The following TNRC6B variants were observed in gnomAD, a reference collection of about 807,000 sequenced individuals.
TNRC6B encodes the protein trinucleotide repeat containing adaptor 6B.
Under a neutral mutation model 203.6 loss-of-function variants are expected in TNRC6B, and 52 were observed. The observed-to-expected ratio is 0.26, with a 90% confidence interval of 0.20 to 0.32. TNRC6B has a LOEUF of 0.32. Among genes scored for constraint, TNRC6B ranks in the 10% least tolerant of loss-of-function variants. The probability of loss-of-function intolerance (pLI) is 1.00; values close to 1 mark genes in which losing one functional copy is unlikely to be tolerated. For synonymous variants in TNRC6B, 838 were observed against 845.7 expected (o/e 0.99, Z 0.16); for missense variants, 1,923 against 2,286.2 (o/e 0.84, Z 3.24).
intron 3 of TNRC6B, among the ~76,000 whole-genome samples, chr22:40,130,968 C>G (rs2068538270): frequency 1.3e-5 from 2 of 150,828 alleles, no homozygotes; most frequent in South Asian, 4.2e-4. Flanking sequence ...GTGGTGCGAT[C>G]TCGGGTCACT....
intron 1 of TNRC6B, among the ~76,000 whole-genome samples, chr22:40,187,369 T>C (rs2069217491): frequency 6.6e-6 from 1 of 152,178 alleles, no homozygotes; most frequent in South Asian, 2.1e-4. Flanking sequence ...GACAAACTTT[T>C]TATGAAAATA....
At chr22:40,174,326 T>C (rs2069034903), upstream of TNRC6B, among the ~76,000 whole-genome samples, 1 of 151,102 alleles carries the variant, frequency 6.6e-6, no homozygotes, top group African/African-American at 2.4e-5. Flanking sequence ...ACTACAGGCG[T>C]GTGCCACCAT....
intron 12 of TNRC6B, among the ~76,000 whole-genome samples, chr22:40,293,012 T>C (rs1052454743): frequency 1.1e-4 from 17 of 152,128 alleles, no homozygotes; most frequent in African/African-American, 2.9e-4. Flanking sequence ...GTGCTATTTT[T>C]ACTTGTATTA....
chr22:40,174,955 A>G (rs2146372675), upstream of TNRC6B, among the ~76,000 whole-genome samples: 1 of 152,332 alleles, frequency 6.6e-6, no homozygotes, highest in South Asian at 2.1e-4. Context: ...CTGGAAACAC[A>G]AGGGAGAAAT....
At position 40,265,001 on chromosome 22, in the gene TNRC6B, G is replaced by C. The variant is rs543034259; in HGVS notation, c.771G>C (p.Gly257=). 4.3e-6 allele frequency: 7 copies of C among 1,613,908 alleles called. No individual in the cohort carries two copies. The Admixed American group carries it at 1.2e-4, about 27-fold the overall frequency. ...SASSGNECNL[G]VWKSDPKAKS... is the part of the protein sequence containing the mutation. ...GTTCTGGGAACGAATGTAATCTTGG[G>C]GTCTGGAAATCTGACCCTAAGGCTA... Residue 257 remains glycine, a synonymous_variant, in exon 5 of 23, where the codon GGG becomes GGC. Coordinates refer to ENST00000454349, the MANE Select transcript of TNRC6B (RefSeq NM_001162501.2).
intron 1 of TNRC6B, among the ~76,000 whole-genome samples, chr22:40,188,958 T>C (rs9611286): frequency 0.36 from 54,838 of 152,024 alleles, 13,322 homozygotes; most frequent in African/African-American, 0.69. Flanking sequence ...TGTCTTACCA[T>C]GGTTTCAAAA....
At chr22:40,179,442 T>C (rs1312141913) in intron 1 of TNRC6B, among the ~76,000 whole-genome samples, 1 of 152,216 alleles carries the variant, frequency 6.6e-6, no homozygotes, top group Non-Finnish European at 1.5e-5. Flanking sequence ...TGATTTATGC[T>C]GTGGCATATT....
intron 1 of TNRC6B, among the ~76,000 whole-genome samples, chr22:40,066,331 T>C (rs2067893418): frequency 6.6e-6 from 1 of 152,184 alleles, no homozygotes; most frequent in Non-Finnish European, 1.5e-5. Context: ...TAAATATTGC[T>C]CTCGTTACTT....
chr22:40,153,305 G>A (rs775098947), intron 3 of TNRC6B, among the ~76,000 whole-genome samples: 1 of 152,106 alleles, frequency 6.6e-6, no homozygotes, highest in Non-Finnish European at 1.5e-5. Context: ...CTCCAGCTTA[G>A]GAGAAAGAGG....
At position 40,237,214 on chromosome 22, in the gene TNRC6B, A is replaced by G. The variant is rs147005136; in HGVS notation, c.6-8801A>G. On this transcript the variant is annotated intron_variant, in intron 1 of 22. Coordinates refer to ENST00000454349, the MANE Select transcript of TNRC6B (RefSeq NM_001162501.2). ...ATCACAAGCTTGAATTCACACATCC[A>G]AGATCCTGGTACTTTCAAAACAGCA... 2.5e-3 allele frequency among the ~76,000 whole-genome samples: 383 copies of G among 152,200 alleles called. 13 individuals are homozygous for G. The East Asian group carries it at 0.057, about 23-fold the overall frequency.
rs745771892 is a variant in TNRC6B at position 40,285,624 on chromosome 22, C to T, written c.3583-21C>T. 11 of 1,603,024 alleles carry T rather than the reference C, an allele frequency of 6.9e-6. No individual in the cohort carries two copies. In the Admixed American group the frequency reaches 7.1e-5, roughly 10 times the overall value. On this transcript the variant is annotated intron_variant, in intron 11 of 22. Coordinates refer to ENST00000454349, the MANE Select transcript of TNRC6B (RefSeq NM_001162501.2). ...TTTCTTATGTTAACAAAAAGCCTTA[C>T]TGCTGCTTTTCTGTTTACAGGGCGG...
In TNRC6B at chr22:40,251,098, G is replaced by A. The variant is rs1046658760; in HGVS notation, c.94-81G>A. 13 of 1,216,598 alleles carry A rather than the reference G, an allele frequency of 1.1e-5. No homozygotes were observed. The African/African-American group carries it at 2.0e-4, about 19-fold the overall frequency. The allele number at this position is 1,216,598 out of a possible 1,614,324, so 75.4% of individuals were successfully genotyped here. On this transcript the variant is annotated intron_variant, in intron 2 of 22. Transcript: ENST00000454349. ...GTGCCTGACAGCTTGGATTACTTGA[G>A]TTATCAGACTAAAGTAGTCTGAAAA...
intron 1 of TNRC6B, among the ~76,000 whole-genome samples, chr22:40,195,106 G>A (rs2069320160): frequency 6.6e-6 from 1 of 152,158 alleles, no homozygotes; most frequent in Admixed American, 6.5e-5. Flanking sequence ...AGACAACAAT[G>A]TATGTTCATG....
At chr22:40,115,324 CT>C (rs1335418071) in intron 1 of TNRC6B, among the ~76,000 whole-genome samples, 1 of 152,196 alleles carries the variant, frequency 6.6e-6, no homozygotes, top group Non-Finnish European at 1.5e-5. Flanking sequence ...GTGTTATTCT[CT>C]TGATAGTCTC....
At position 40,329,946 on chromosome 22, in the gene TNRC6B, T is replaced by G. The variant is rs1467192368; in HGVS notation, c.*6705T>G. On this transcript the variant is annotated 3_prime_UTR_variant, in exon 23 of 23. Coordinates refer to ENST00000454349, the MANE Select transcript of TNRC6B (RefSeq NM_001162501.2). ...GGTACTACCTTGGCCAAAGGGTCTT[T>G]GCAAAAAGCTCAGTCTTCAGTTCTT... The G allele has an allele frequency of 6.6e-6, 1 of 152,220 alleles. No individual in the cohort carries two copies. Among genetic ancestry groups the G allele is most frequent in the Admixed American group, 6.5e-5 (1 of 15,284 alleles). The allele number at this position is 152,220 out of a possible 1,614,324, so 9.4% of individuals were successfully genotyped here.
chr22:40,270,639 G>A (rs1227847971), intron 6 of TNRC6B, among the ~76,000 whole-genome samples: 1 of 152,026 alleles, frequency 6.6e-6, no homozygotes, highest in Non-Finnish European at 1.5e-5. Flanking sequence ...TTAAATGTTT[G>A]TCAAATGTCA....
At chr22:40,068,422 A>G (rs2067915872) in intron 1 of TNRC6B, among the ~76,000 whole-genome samples, 1 of 151,976 alleles carries the variant, frequency 6.6e-6, no homozygotes. Context: ...GGTTCAGGTG[A>G]TTGTCCTGCC....
intron 3 of TNRC6B, among the ~76,000 whole-genome samples, chr22:40,145,293 T>A (rs2068683695): frequency 6.6e-6 from 1 of 151,970 alleles, no homozygotes; most frequent in African/African-American, 2.4e-5. Flanking sequence ...GAGCCTACAC[T>A]TAAAGTGTGT....
rs1034219404 is a variant in TNRC6B, at chr22:40,079,881, C to T, written c.-121+34883C>T. The stretch of plus-strand genomic sequence containing the variant: ...CACAATCTCGGCTCACTGCAAGCTC[C>T]GCCTCCCGGCTTCATGCCATTCTCC... On this transcript the variant is annotated intron_variant, in intron 1 of 23. Transcript: ENST00000301923. 1.7e-4 allele frequency among the ~76,000 whole-genome samples: 26 copies of T among 152,126 alleles called. 1 individual carries two copies. The highest frequency in any genetic ancestry group is 1.6e-3 in the Admixed American group (25 of 15,276).
Sources: allele counts gnomAD v4.1 joint callset (sites outside exome capture counted in the v4.1 genomes callset), GRCh38; gene constraint gnomAD v4.1.1; transcripts MANE v1.5; gene names NCBI Gene and HGNC (gene_info 2026-07-23, HGNC 2026-07-21).